The following SGCD variants were observed in gnomAD, a reference collection of about 807,000 sequenced individuals.
SGCD encodes delta-sarcoglycan.
Under a neutral mutation model 36.6 loss-of-function variants are expected in SGCD, and 18 were observed. The ratio of observed to expected loss-of-function variants is 0.49; its 90% CI spans 0.34 to 0.73. SGCD has a LOEUF of 0.73. Ranked by LOEUF, SGCD falls within the 30% of genes least tolerant of loss-of-function variation. The pLI is 0.01. For synonymous variants in SGCD, 133 were observed against 130.6 expected, an observed-to-expected ratio of 1.02 and a Z score of -0.12; for missense variants, 387 against 346.7, an observed-to-expected ratio of 1.12 and a Z score of -0.92.
At chr5:156,581,627 G>T (rs1316965348) in intron 4 of SGCD, among the ~76,000 whole-genome samples, 1 of 152,270 alleles carries the variant, frequency 6.6e-6, no homozygotes, top group Non-Finnish European at 1.5e-5. Context: ...CCTCAGCAAT[G>T]GTGGATGCCC....
At chr5:156,096,501 G>C (rs1158510066) in intron 1 of SGCD, among the ~76,000 whole-genome samples, 1 of 152,140 alleles carries the variant, frequency 6.6e-6, no homozygotes, top group African/African-American at 2.4e-5. Flanking sequence ...TAGATGACTT[G>C]TTCCAATAAC....
chr5:155,730,004 G>A, the SGCD span, among the ~76,000 whole-genome samples: 2 of 152,166 alleles, frequency 1.3e-5, no homozygotes, highest in Non-Finnish European at 1.5e-5. Context: ...TGAAGGGAGG[G>A]GGAGTTGCCT....
intron 1 of SGCD, among the ~76,000 whole-genome samples, chr5:156,017,195 G>A (rs1302253747): frequency 6.6e-6 from 1 of 152,090 alleles, no homozygotes; most frequent in African/African-American, 2.4e-5. Context: ...TGTCTTGCCT[G>A]CTTTTCTGTA....
chr5:155,820,837 T>G, the SGCD span, among the ~76,000 whole-genome samples: 1 of 152,164 alleles, frequency 6.6e-6, no homozygotes, highest in Non-Finnish European at 1.5e-5. Flanking sequence ...ATTCCTCTGT[T>G]GAAAGCAAGT....
intron 3 of SGCD, among the ~76,000 whole-genome samples, chr5:156,316,631 G>A (rs1767524679): frequency 6.6e-6 from 1 of 151,952 alleles, no homozygotes; most frequent in Admixed American, 6.6e-5. Context: ...ACAGAATAGT[G>A]AGCCCAGGAA....
At chr5:156,522,307 C>T (rs1397264730) in intron 4 of SGCD, among the ~76,000 whole-genome samples, 3 of 151,896 alleles carry the variant, frequency 2.0e-5, no homozygotes, top group African/African-American at 4.8e-5. Context: ...CAAACCTGCA[C>T]GTTGTGCACA....
chr5:155,738,175 C>A, the SGCD span, among the ~76,000 whole-genome samples: 1 of 152,136 alleles, frequency 6.6e-6, no homozygotes, highest in Non-Finnish European at 1.5e-5. Flanking sequence ...GTATGAACAA[C>A]CCTTTCTGGA....
chr5:156,265,019 G>A (rs932809576), intron 3 of SGCD, among the ~76,000 whole-genome samples: 1 of 152,044 alleles, frequency 6.6e-6, no homozygotes, highest in African/African-American at 2.4e-5. Context: ...GGGGAGAAGT[G>A]AGCAACCCAA....
At chr5:155,762,634 A>G in the SGCD span, among the ~76,000 whole-genome samples, 1 of 152,202 alleles carries the variant, frequency 6.6e-6, no homozygotes, top group Non-Finnish European at 1.5e-5. Context: ...TGATTCATCC[A>G]GGATCACCCA....
At position 156,160,979 on chromosome 5, in the gene SGCD, C is replaced by T. The variant is rs948704742; in HGVS notation, c.-44+36960C>T. Among the ~76,000 whole-genome samples, 31 of 151,660 alleles carry T rather than the reference C, an allele frequency of 2.0e-4. 1 individual carries two copies. The highest frequency in any genetic ancestry group is 7.3e-4 in the African/African-American group (30 of 40,986). Reference sequence around the variant, plus strand: ...TATGCAAGAGCAGCCATAGACTATACGTAAATGAATGGCTGTGGTTGAGTT... The same window carrying T: ...TATGCAAGAGCAGCCATAGACTATATGTAAATGAATGGCTGTGGTTGAGTT... On this transcript the variant is annotated intron_variant, in intron 3 of 9. Transcript: ENST00000517913.
At chr5:156,209,049 T>C (rs1764366177) in intron 3 of SGCD, among the ~76,000 whole-genome samples, 1 of 152,088 alleles carries the variant, frequency 6.6e-6, no homozygotes, top group African/African-American at 2.4e-5. Flanking sequence ...GCACCAGACA[T>C]TGCCTCAGAC....
chr5:156,061,033 T>A (rs1174700336), intron 1 of SGCD, among the ~76,000 whole-genome samples: 2 of 145,504 alleles, frequency 1.4e-5, no homozygotes, highest in East Asian at 3.9e-4. Context: ...AAAAATCTAT[T>A]CATTCCTGAA....
intron 3 of SGCD, among the ~76,000 whole-genome samples, chr5:156,127,337 C>T (rs1023954737): frequency 6.6e-6 from 1 of 152,244 alleles, no homozygotes; most frequent in Non-Finnish European, 1.5e-5. Flanking sequence ...GACATCGAGG[C>T]TCATGCCTGT....
chr5:156,504,384 G>A (rs536181454), intron 3 of SGCD, among the ~76,000 whole-genome samples: 1,232 of 80,824 alleles, frequency 0.015, 13 homozygotes, highest in African/African-American at 0.086. Context: ...ATATGTGGGT[G>A]TGTGTGTGTA....
intron 1 of SGCD, among the ~76,000 whole-genome samples, chr5:155,885,738 G>A (rs573968047): frequency 6.6e-6 from 1 of 152,332 alleles, no homozygotes; most frequent in East Asian, 1.9e-4. Context: ...CAAAATCAAT[G>A]TTCCTTCCAT....
Position 156,309,777 on chromosome 5 carries a change from C to T in SGCD, c.-43-19757C>T, listed in dbSNP as rs560800715. On this transcript the variant is annotated intron_variant, in intron 3 of 9. Coordinates refer to the SGCD transcript ENST00000517913. ...CTGGGATTATAGGTGTGAGCCACCA[C>T]GCCCCACCCGATCTTTGAGCATCTT... 6.6e-5 allele frequency among the ~76,000 whole-genome samples: 10 copies of T among 151,966 alleles called. No individual in the cohort carries two copies. The South Asian group carries it at 1.2e-3, about 19-fold the overall frequency.
intron 3 of SGCD, among the ~76,000 whole-genome samples, chr5:156,155,402 A>G (rs1462734920): frequency 5.3e-5 from 8 of 151,480 alleles, no homozygotes; most frequent in Non-Finnish European, 1.2e-4. Flanking sequence ...GTTTTATAGG[A>G]GAATCTGAAA....
chr5:155,924,998 C>A (rs953436798), intron 1 of SGCD, among the ~76,000 whole-genome samples: 2 of 152,080 alleles, frequency 1.3e-5, no homozygotes, highest in Non-Finnish European at 2.9e-5. Context: ...TAATCCATGA[C>A]CGAATTTTTT....
the SGCD span, among the ~76,000 whole-genome samples, chr5:155,747,004 G>C: frequency 1.9e-4 from 29 of 152,184 alleles, no homozygotes; most frequent in African/African-American, 7.0e-4. Context: ...GTTTTGGGTG[G>C]TCTCTGGGGT....
Sources: gnomAD v4.1 joint callset for allele counts (sites outside exome capture counted in the v4.1 genomes callset) on GRCh38, gnomAD v4.1.1 for gene constraint, MANE v1.5 for transcripts, NCBI Gene and HGNC (gene_info 2026-07-23, HGNC 2026-07-21) for gene names.